WDR72: variants seen among roughly 807,000 people sequenced by gnomAD.
WDR72 encodes the protein WD repeat domain 72.
A neutral mutation model predicts 124.2 loss-of-function variants in WDR72; 120 were observed. That is an observed-to-expected ratio of 0.97 (90% CI 0.83 to 1.12). The LOEUF is 1.12. WDR72 is among the 50% of genes most tolerant of loss of function. The pLI is 0.00. For missense variants in WDR72, 1,387 were observed against 1,278.8 expected (o/e 1.08, Z -1.29); for synonymous variants, 452 against 441.7 (o/e 1.02, Z -0.29).
intron 14 of WDR72, among the ~76,000 whole-genome samples, chr15:53,648,231 T>C (rs1463156423): frequency 2.6e-5 from 4 of 152,170 alleles, no homozygotes; most frequent in Non-Finnish European, 5.9e-5. Context: ...GATACTTGTC[T>C]CATGTGTTCT....
intron 18 of WDR72, among the ~76,000 whole-genome samples, chr15:53,529,481 A>C (rs947624811): frequency 6.6e-6 from 1 of 151,962 alleles, no homozygotes; most frequent in Admixed American, 6.6e-5. Context: ...ATACAATTGA[A>C]CAGGATACTA....
At chr15:53,526,678 C>G (rs1892136464) in intron 18 of WDR72, among the ~76,000 whole-genome samples, 1 of 151,966 alleles carries the variant, frequency 6.6e-6, no homozygotes, top group Admixed American at 6.6e-5. Context: ...ATACCAAAGT[C>G]CATTTGTAGC....
chr15:53,581,083 AAC>A (rs1392445233), intron 18 of WDR72, among the ~76,000 whole-genome samples: 3 of 152,054 alleles, frequency 2.0e-5, no homozygotes, highest in Non-Finnish European at 4.4e-5. Context: ...GCTCTCAAAC[AAC>A]AGTTTTTGTG....
At chr15:53,529,164 ATTTTTTT>A (rs1221581823) in intron 18 of WDR72, among the ~76,000 whole-genome samples, 4 of 78,158 alleles carry the variant, frequency 5.1e-5, no homozygotes, top group African/African-American at 2.0e-4. Flanking sequence ...ATATATATAT[ATTTTTTT>A]TTTTTTTTTT....
chr15:53,749,321 T>C (rs1352704241), intron 1 of WDR72, among the ~76,000 whole-genome samples: 1 of 152,162 alleles, frequency 6.6e-6, no homozygotes, highest in Non-Finnish European at 1.5e-5. Context: ...AACATTTTTA[T>C]TATATCTGTT....
At chr15:53,745,047 A>AAAAAG (rs1555430685) in intron 1 of WDR72, among the ~76,000 whole-genome samples, 1 of 150,538 alleles carries the variant, frequency 6.6e-6, no homozygotes, top group South Asian at 2.1e-4. Flanking sequence ...AAAAAAAAAA[A>AAAAAG]GGGCAAGAAA....
rs538591961 is a variant in WDR72 at position 53,758,873 on chromosome 15, TATA to T, written c.-13+757_-13+759del. On this transcript the variant is annotated intron_variant, in intron 1 of 19. Transcript: ENST00000360509. The stretch of plus-strand genomic sequence containing the variant: ...TGTATTGAAATGGATACAAAAATGC[TATA>T]ATAAGTGGGGAAGATGGTATAAGTC... Among the ~76,000 whole-genome samples, 55 of 149,380 alleles carry T rather than the reference TATA, an allele frequency of 3.7e-4. No homozygotes were observed. In the East Asian group the frequency reaches 0.011, roughly 29 times the overall value.
At chr15:53,737,947 T>C (rs1376016465) in intron 1 of WDR72, among the ~76,000 whole-genome samples, 4 of 152,176 alleles carry the variant, frequency 2.6e-5, no homozygotes, top group Non-Finnish European at 4.4e-5. Context: ...TAATACCATT[T>C]AGGAAACATT....
intron 10 of WDR72, among the ~76,000 whole-genome samples, chr15:53,705,642 T>C (rs1035603128): frequency 2.0e-5 from 3 of 152,098 alleles, no homozygotes; most frequent in African/African-American, 7.2e-5. Flanking sequence ...TTTTGTATTT[T>C]AGTAGAGACG....
intron 14 of WDR72, among the ~76,000 whole-genome samples, chr15:53,659,585 G>T (rs1407543894): frequency 6.6e-6 from 1 of 151,920 alleles, no homozygotes; most frequent in African/African-American, 2.4e-5. Flanking sequence ...GTTTTGAAAC[G>T]AAGCTGTGAC....
At chr15:53,660,233 T>C (rs1473648876) in intron 14 of WDR72, among the ~76,000 whole-genome samples, 4 of 152,018 alleles carry the variant, frequency 2.6e-5, no homozygotes, top group East Asian at 1.9e-4. Context: ...TTTATAGTTA[T>C]ACAAGTTTAA....
intron 18 of WDR72, among the ~76,000 whole-genome samples, chr15:53,556,767 C>G (rs1893948529): frequency 6.6e-6 from 1 of 152,100 alleles, no homozygotes; most frequent in Non-Finnish European, 1.5e-5. Context: ...TATAGGCTTT[C>G]TACAACATGG....
chr15:53,541,374 C>T (rs1455293832), intron 18 of WDR72, among the ~76,000 whole-genome samples: 1 of 152,042 alleles, frequency 6.6e-6, no homozygotes, highest in East Asian at 1.9e-4. Context: ...CACCCCCCAG[C>T]AGGGGCACAC....
chr15:53,711,875 A>G (rs1206416822), intron 7 of WDR72, among the ~76,000 whole-genome samples: 2 of 152,360 alleles, frequency 1.3e-5, no homozygotes, highest in East Asian at 3.9e-4. Context: ...TCAAAAATAC[A>G]TTATCACCAC....
intron 18 of WDR72, among the ~76,000 whole-genome samples, chr15:53,592,951 A>G (rs2012579702): frequency 6.6e-6 from 1 of 152,166 alleles, no homozygotes; most frequent in Non-Finnish European, 1.5e-5. Flanking sequence ...AGATAAAATC[A>G]CCACTTTCCC....
chr15:53,581,032 T>C (rs566548071), intron 18 of WDR72, among the ~76,000 whole-genome samples: 1 of 151,234 alleles, frequency 6.6e-6, no homozygotes, highest in East Asian at 2.0e-4. Context: ...GTGTATTAAA[T>C]TTAATAAACT....
chr15:53,669,133 T>C (rs999348545), intron 13 of WDR72, among the ~76,000 whole-genome samples: 23 of 152,124 alleles, frequency 1.5e-4, no homozygotes, highest in Admixed American at 1.0e-3. Context: ...TCTTCCCCAG[T>C]ACAGCTGTCT....
At chr15:53,724,092 A>G (rs1211290198) in intron 2 of WDR72, among the ~76,000 whole-genome samples, 5 of 152,226 alleles carry the variant, frequency 3.3e-5, no homozygotes, top group African/African-American at 9.6e-5. Flanking sequence ...TCTCACTTCT[A>G]TGCAGAACCT....
intron 18 of WDR72, among the ~76,000 whole-genome samples, chr15:53,575,257 C>G (rs1894711108): frequency 6.6e-6 from 1 of 152,008 alleles, no homozygotes; most frequent in Non-Finnish European, 1.5e-5. Context: ...TAAATGTAGA[C>G]TTAATCTCTG....
Sources: allele counts gnomAD v4.1 joint callset (sites outside exome capture counted in the v4.1 genomes callset), GRCh38; gene constraint gnomAD v4.1.1; transcripts MANE v1.5; gene names NCBI Gene and HGNC (gene_info 2026-07-23, HGNC 2026-07-21).